Variants in PDE4D observed in about 807,000 individuals in gnomAD.
PDE4D encodes 3',5'-cyclic-AMP phosphodiesterase 4D.
Under a neutral mutation model 87.4 loss-of-function variants are expected in PDE4D, and 24 were observed. The observed-to-expected ratio is 0.27, with a 90% CI of 0.20 to 0.39. The LOEUF is 0.39. Among genes scored for constraint, PDE4D ranks in the 10% least tolerant of loss-of-function variants. The pLI is 1.00. For missense variants in PDE4D, 714 were observed against 1,041.0 expected (o/e 0.69, Z 4.32); for synonymous variants, 384 against 383.2 (o/e 1.00, Z -0.02).
chr5:60,406,211 C>G (rs1002191234), intron 1 of PDE4D, among the ~76,000 whole-genome samples: 1 of 152,188 alleles, frequency 6.6e-6, no homozygotes, highest in Non-Finnish European at 1.5e-5. Context: ...TGATGCCTGT[C>G]AGCAGTGGAT....
intron 1 of PDE4D, among the ~76,000 whole-genome samples, chr5:59,687,781 A>C (rs930777005): frequency 2.0e-5 from 3 of 152,214 alleles, no homozygotes; most frequent in African/African-American, 7.2e-5. Context: ...GGCAAATTGG[A>C]TAAAGAGTCA....
At chr5:60,269,273 C>T (rs1275252082) in intron 1 of PDE4D, among the ~76,000 whole-genome samples, 1 of 152,196 alleles carries the variant, frequency 6.6e-6, no homozygotes, top group Non-Finnish European at 1.5e-5. Flanking sequence ...TGCCACTGCA[C>T]TCCAGCCTGG....
chr5:60,124,536 G>GC (rs377268042), intron 2 of PDE4D, among the ~76,000 whole-genome samples: 1 of 151,860 alleles, frequency 6.6e-6, no homozygotes, highest in African/African-American at 2.4e-5. Flanking sequence ...CCATTTATGT[G>GC]CCTGATATCA....
chr5:60,401,188 G>A (rs750809834), intron 1 of PDE4D, among the ~76,000 whole-genome samples: 1 of 152,106 alleles, frequency 6.6e-6, no homozygotes, highest in Non-Finnish European at 1.5e-5. Flanking sequence ...GAAAAGTCAG[G>A]ACATGATAAG....
At chr5:60,339,396 G>A (rs1173886769) in intron 1 of PDE4D, among the ~76,000 whole-genome samples, 1 of 152,090 alleles carries the variant, frequency 6.6e-6, no homozygotes, top group African/African-American at 2.4e-5. Flanking sequence ...TGGACAGCAT[G>A]GACATGCTGG....
intron 1 of PDE4D, among the ~76,000 whole-genome samples, chr5:60,326,217 C>T (rs1417561744): frequency 6.6e-6 from 1 of 152,094 alleles, no homozygotes; most frequent in Non-Finnish European, 1.5e-5. Flanking sequence ...GTAGTACTTA[C>T]ATGTTTAGTT....
chr5:59,023,954 G>A (rs1420503461), intron 6 of PDE4D, among the ~76,000 whole-genome samples: 1 of 148,156 alleles, frequency 6.7e-6, no homozygotes. Flanking sequence ...CCAGACTGGA[G>A]TGCAGTGGCG....
At chr5:59,667,379 A>G (rs540948398) in intron 1 of PDE4D, among the ~76,000 whole-genome samples, 1 of 152,022 alleles carries the variant, frequency 6.6e-6, no homozygotes, top group Non-Finnish European at 1.5e-5. Flanking sequence ...TGGTGGGATC[A>G]TGGCTCACTG....
chr5:59,799,223 C>G (rs111672810), intron 1 of PDE4D, among the ~76,000 whole-genome samples: 2,145 of 152,320 alleles, frequency 0.014, 20 homozygotes, highest in South Asian at 0.029. Flanking sequence ...TGAACAGTTT[C>G]ATTGACAACT....
intron 1 of PDE4D, among the ~76,000 whole-genome samples, chr5:59,574,070 ATT>A (rs1444144578): frequency 9.3e-4 from 17 of 18,342 alleles, no homozygotes; most frequent in East Asian, 3.1e-3. Flanking sequence ...AAATATATAT[ATT>A]TATATATATA....
intron 1 of PDE4D, among the ~76,000 whole-genome samples, chr5:59,591,060 G>C (rs756829958): frequency 2.0e-5 from 3 of 152,088 alleles, no homozygotes; most frequent in Non-Finnish European, 2.9e-5. Flanking sequence ...TTTGTGCTGG[G>C]TCTAGGAAGC....
intron 9 of PDE4D, among the ~76,000 whole-genome samples, chr5:58,990,379 G>A (rs929554712): frequency 6.6e-6 from 1 of 152,250 alleles, no homozygotes; most frequent in African/African-American, 2.4e-5. Context: ...CAATAAGAGA[G>A]AGAAATGGAT....
chr5:59,845,721 A>G (rs1199481230), intron 1 of PDE4D, among the ~76,000 whole-genome samples: 1 of 152,132 alleles, frequency 6.6e-6, no homozygotes, highest in South Asian at 2.1e-4. Flanking sequence ...TCATGTGTGC[A>G]TTAGCTGTGT....
intron 1 of PDE4D, among the ~76,000 whole-genome samples, chr5:59,521,196 T>G (rs1812177825): frequency 6.6e-6 from 1 of 151,750 alleles, no homozygotes; most frequent in African/African-American, 2.4e-5. Context: ...GATGCACCAC[T>G]GAGAATGGGG....
At position 60,165,704 on chromosome 5, in the gene PDE4D, AAT is replaced by A. The variant is rs1189734870; in HGVS notation, c.42+19851_42+19852del. Reference sequence around the variant, plus strand: ...TATCTGTATAACATTATTATATATAAATATGTTTTTATATTATAGATAATTAT... The same window carrying A: ...TATCTGTATAACATTATTATATATAAATGTTTTTATATTATAGATAATTAT... On this transcript the variant is annotated intron_variant, in intron 2 of 16. Transcript: ENST00000502484. Among the ~76,000 whole-genome samples, 7 of 149,364 alleles carry A rather than the reference AAT, an allele frequency of 4.7e-5. No homozygotes were observed. In the South Asian group the frequency reaches 8.4e-4, roughly 18 times the overall value.
chr5:59,492,820 T>C (rs1445313197), intron 1 of PDE4D, among the ~76,000 whole-genome samples: 3 of 152,142 alleles, frequency 2.0e-5, no homozygotes, highest in Non-Finnish European at 4.4e-5. Context: ...GTTCTCATGA[T>C]AGTGAATAAG....
chr5:59,470,374 C>T (rs773444710), intron 1 of PDE4D, among the ~76,000 whole-genome samples: 6 of 152,082 alleles, frequency 3.9e-5, no homozygotes, highest in Admixed American at 3.3e-4. Flanking sequence ...TTCCTACTGT[C>T]CCCTGGTTCT....
rs1779914627 is a variant in PDE4D, at chr5:59,154,707, G to A, written c.808+25888C>T. Among the ~76,000 whole-genome samples, 2 of 152,172 alleles carry A rather than the reference G, an allele frequency of 1.3e-5. 1 individual carries two copies. The highest frequency in any genetic ancestry group is 2.9e-5 in the Non-Finnish European group (2 of 68,022). ...TCGAGACCAGCCTGGCCAACATAGT[G>A]AAACGCTGTCTCTACTAAAAATACA... On this transcript the variant is annotated intron_variant, in intron 5 of 14. Transcript: ENST00000340635.
chr5:59,690,486 T>C (rs111353619), intron 1 of PDE4D, among the ~76,000 whole-genome samples: 28,128 of 152,174 alleles, frequency 0.18, 3,187 homozygotes, highest in South Asian at 0.26. Flanking sequence ...CCCTATTTAA[T>C]AAATTGTGCT....
Sources: allele counts gnomAD v4.1 joint callset (sites outside exome capture counted in the v4.1 genomes callset), GRCh38; gene constraint gnomAD v4.1.1; transcripts MANE v1.5; gene names NCBI Gene and HGNC (gene_info 2026-07-23, HGNC 2026-07-21).